The following ARFGAP3 variants were observed in gnomAD, a reference collection of about 807,000 sequenced individuals.
The protein encoded by ARFGAP3 is ADP-ribosylation factor GTPase-activating protein 3.
Under a neutral mutation model 75.0 loss-of-function variants are expected in ARFGAP3, and 72 were observed. The observed-to-expected ratio is 0.96, with a 90% CI of 0.79 to 1.17. The LOEUF is 1.17. Among genes scored for constraint, ARFGAP3 ranks in the 50% most tolerant of loss-of-function variants. The pLI, the probability that ARFGAP3 is intolerant of heterozygous loss-of-function variation, is 0.00. For synonymous variants in ARFGAP3, 221 were observed against 217.9 expected, an observed-to-expected ratio of 1.01 and a Z score of -0.13; for missense variants, 620 against 626.6, an observed-to-expected ratio of 0.99 and a Z score of 0.11.
rs1926921016 is a variant in ARFGAP3 at position 42,844,493 on chromosome 22, G to A, written c.188+3021C>T. On this transcript the variant is annotated intron_variant, in intron 2 of 15. Transcript: ENST00000263245. ...CCAGCTACTTCGGAGGCTGAAGCAG[G>A]AGAATTGCTTGAACCCGGGAGGCGG... Among the ~76,000 whole-genome samples, 14 of 151,854 alleles carry A rather than the reference G, an allele frequency of 9.2e-5. No individual in the cohort carries two copies. In the South Asian group the frequency reaches 2.9e-3, roughly 31 times the overall value.
At chr22:42,798,014 G>C (rs1438045758) in intron 15 of ARFGAP3, among the ~76,000 whole-genome samples, 1 of 152,170 alleles carries the variant, frequency 6.6e-6, no homozygotes, top group Admixed American at 6.5e-5. Flanking sequence ...TTGCAGAAGT[G>C]ACCTAACCTT....
At chr22:42,803,382 CT>C (rs1196043042) in intron 14 of ARFGAP3, among the ~76,000 whole-genome samples, 1 of 152,188 alleles carries the variant, frequency 6.6e-6, no homozygotes, top group Non-Finnish European at 1.5e-5. Flanking sequence ...GTTAAGGGAC[CT>C]CACAAACAAC....
At chr22:42,832,999 A>T (rs1354094184) in intron 5 of ARFGAP3, among the ~76,000 whole-genome samples, 3 of 152,096 alleles carry the variant, frequency 2.0e-5, no homozygotes, top group Non-Finnish European at 4.4e-5. Context: ...AAAAAAAAAA[A>T]AAAGAAAGGA....
intron 7 of ARFGAP3, among the ~76,000 whole-genome samples, chr22:42,826,064 C>G (rs1926024320): frequency 6.6e-6 from 1 of 152,148 alleles, no homozygotes; most frequent in Non-Finnish European, 1.5e-5. Flanking sequence ...AACCTGCTCC[C>G]AAACTCTGAC....
intron 8 of ARFGAP3, among the ~76,000 whole-genome samples, 167 bp downstream of exon 8, chr22:42,823,487 AAC>A (rs1569151142): frequency 6.6e-6 from 1 of 151,848 alleles, no homozygotes; most frequent in Non-Finnish European, 1.5e-5. Flanking sequence ...CAATAAGTAT[AAC>A]ATTAATCTCT....
rs1416309485 is a variant in ARFGAP3, at chr22:42,822,338, T to A, written c.744A>T (p.Gln248His). Residue 248 changes from glutamine to histidine, a missense_variant, in exon 9 of 16, where the codon CAA (glutamine) becomes CAT (histidine). Transcript: ENST00000263245. Reference sequence around the variant, plus strand: ...CCTTCATTTTATCCGCAGCTTGAGCTTGTTTTTCAATTTCATTAAAGCATG... The same window carrying A: ...CCTTCATTTTATCCGCAGCTTGAGCATGTTTTTCAATTTCATTAAAGCATG... ...ANTCFNEIEK[Q>H]AQAADKMKEQ... 2 of 1,614,214 alleles carry A rather than the reference T, an allele frequency of 1.2e-6. No individual in the cohort carries two copies. Among genetic ancestry groups the A allele is most frequent in the Non-Finnish European group, 1.7e-6 (2 of 1,180,032 alleles).
chr22:42,830,273 TGC>T (rs1926228128), intron 6 of ARFGAP3, among the ~76,000 whole-genome samples: 1 of 21,920 alleles, frequency 4.6e-5, no homozygotes, highest in South Asian at 1.2e-3. Flanking sequence ...GTGCACAACC[TGC>T]CTGGCTATGC....
chr22:42,823,196 G>C (rs752811148), intron 8 of ARFGAP3, among the ~76,000 whole-genome samples: 1 of 152,032 alleles, frequency 6.6e-6, no homozygotes, highest in Non-Finnish European at 1.5e-5. Flanking sequence ...GAGGGCTGAG[G>C]AAAGTAAAGC....
chr22:42,798,134 G>A (rs1924686822), intron 15 of ARFGAP3, among the ~76,000 whole-genome samples: 1 of 152,184 alleles, frequency 6.6e-6, no homozygotes, highest in African/African-American at 2.4e-5. Flanking sequence ...ACACTGATGT[G>A]GGCTTAGCTG....
intron 14 of ARFGAP3, among the ~76,000 whole-genome samples, chr22:42,805,390 G>A (rs1925073521): frequency 6.6e-6 from 1 of 152,214 alleles, no homozygotes; most frequent in Non-Finnish European, 1.5e-5. Flanking sequence ...ATTGCAGGGA[G>A]TCAGGGGACT....
chr22:42,856,248 C>T (rs1031983941), intron 1 of ARFGAP3, among the ~76,000 whole-genome samples: 1 of 152,160 alleles, frequency 6.6e-6, no homozygotes, highest in Non-Finnish European at 1.5e-5. Flanking sequence ...TATTTTGTAA[C>T]ACTCGGGAAC....
chr22:42,821,353 A>G (rs1925805297), intron 9 of ARFGAP3, among the ~76,000 whole-genome samples: 1 of 152,224 alleles, frequency 6.6e-6, no homozygotes, highest in Admixed American at 6.5e-5. Flanking sequence ...CAGTCCAAAA[A>G]GCAGGCCTGG....
chr22:42,844,902 T>C lies in ARFGAP3; in HGVS notation c.188+2612A>G, dbSNP rs17003390. On this transcript the variant is annotated intron_variant, in intron 2 of 15. Coordinates refer to ENST00000263245, the MANE Select transcript of ARFGAP3 (RefSeq NM_014570.5). ...AGCATTGTGACTCATACAGTTCTAT[T>C]TATCTGACTTTTAAAAGGTCAGTGA... Among the ~76,000 whole-genome samples the C allele has an allele frequency of 8.7e-3, 1,318 of 152,302 alleles. 25 individuals are homozygous for C. The highest frequency in any genetic ancestry group is 0.041 in the South Asian group (196 of 4,824).
At chr22:42,815,615 A>G (rs553406986) in intron 11 of ARFGAP3, among the ~76,000 whole-genome samples, 1 of 152,224 alleles carries the variant, frequency 6.6e-6, no homozygotes, top group Admixed American at 6.6e-5. Context: ...GTGTATATAT[A>G]CACACACACA....
chr22:42,843,911 T>C (rs1294573802), intron 2 of ARFGAP3, among the ~76,000 whole-genome samples: 1 of 152,174 alleles, frequency 6.6e-6, no homozygotes, highest in Non-Finnish European at 1.5e-5. Context: ...CAGTTTGCCC[T>C]CTCCATATAC....
chr22:42,838,652 A>C (rs978200024), intron 3 of ARFGAP3, among the ~76,000 whole-genome samples: 10 of 152,020 alleles, frequency 6.6e-5, no homozygotes, highest in African/African-American at 2.4e-4. Context: ...AGCATATAAG[A>C]AACGCCTAAA....
chr22:42,847,636 A>T lies in ARFGAP3; in HGVS notation c.70-4T>A. Reference sequence around the variant, plus strand: ...TGGCACCACAATCAAAACACACCTGAAAAAAAATGTTAAATTCAGTTACTA... The same window carrying T: ...TGGCACCACAATCAAAACACACCTGTAAAAAAATGTTAAATTCAGTTACTA... On this transcript the variant is annotated splice_region_variant and splice_polypyrimidine_tract_variant and intron_variant, in intron 1 of 15. Transcript: ENST00000263245. 1 of 1,600,740 alleles carries T rather than the reference A, an allele frequency of 6.2e-7. No homozygotes were observed. Among genetic ancestry groups the T allele is most frequent in the Non-Finnish European group, 8.5e-7 (1 of 1,172,846 alleles).
intron 2 of ARFGAP3, among the ~76,000 whole-genome samples, chr22:42,846,103 C>T (rs185293393): frequency 6.6e-6 from 1 of 150,754 alleles, no homozygotes; most frequent in Admixed American, 6.6e-5. Flanking sequence ...GAAACAAATG[C>T]TCCTTTTTAA....
chr22:42,804,331 G>A (rs1320082759), intron 14 of ARFGAP3, among the ~76,000 whole-genome samples: 1 of 149,208 alleles, frequency 6.7e-6, no homozygotes, highest in Non-Finnish European at 1.5e-5. Context: ...TGCCTCAGCC[G>A]CCTGAGTGGT....
Sources: gnomAD v4.1 joint callset for allele counts (sites outside exome capture counted in the v4.1 genomes callset) on GRCh38, gnomAD v4.1.1 for gene constraint, MANE v1.5 for transcripts, NCBI Gene and HGNC (gene_info 2026-07-23, HGNC 2026-07-21) for gene names.